RPAP3: variants seen among roughly 807,000 people sequenced by gnomAD.
RPAP3 encodes the protein RNA polymerase II-associated protein 3.
RPAP3 carries 58 observed loss-of-function variants against 88.8 expected under a neutral mutation model. That is an observed-to-expected ratio of 0.65 (90% confidence interval 0.53 to 0.81). The LOEUF (loss-of-function observed/expected upper bound fraction) is 0.81. Among genes scored for constraint, RPAP3 ranks in the 40% least tolerant of loss-of-function variants. The probability of loss-of-function intolerance (pLI) is 0.00; values close to 1 mark genes in which losing one functional copy is unlikely to be tolerated. For missense variants in RPAP3, 751 were observed against 764.3 expected, an observed-to-expected ratio of 0.98 and a Z score of 0.20; for synonymous variants, 255 against 259.9, an observed-to-expected ratio of 0.98 and a Z score of 0.18.
At chr12:47,697,567 G>GAA in intron 4 of RPAP3, 30 bp downstream of exon 4, 2 of 1,569,230 alleles carry the variant, frequency 1.3e-6, no homozygotes, top group Non-Finnish European at 1.7e-6. Flanking sequence ...CTGCTTACAT[G>GAA]AAAAAAAACA....
At chr12:47,673,526 TA>T (rs1255190857) in intron 12 of RPAP3, among the ~76,000 whole-genome samples, 3 of 151,236 alleles carry the variant, frequency 2.0e-5, no homozygotes, top group Admixed American at 6.6e-5. Flanking sequence ...ATCTATTTGC[TA>T]CTACTAACTA....
intron 3 of RPAP3, among the ~76,000 whole-genome samples, chr12:47,698,950 A>C (rs1939592082): frequency 6.6e-6 from 1 of 152,252 alleles, no homozygotes; most frequent in African/African-American, 2.4e-5. Flanking sequence ...TAGTTTCATT[A>C]AATGAACATT....
intron 3 of RPAP3, among the ~76,000 whole-genome samples, chr12:47,698,498 A>G (rs1939582626): frequency 6.6e-6 from 1 of 152,132 alleles, no homozygotes; most frequent in Admixed American, 6.5e-5. Flanking sequence ...TAAAACAATG[A>G]TTTTTAGTAA....
chr12:47,691,815 G>A (rs1939435143), intron 5 of RPAP3, among the ~76,000 whole-genome samples: 1 of 151,448 alleles, frequency 6.6e-6, no homozygotes, highest in Admixed American at 6.6e-5. Context: ...GGCACGATCT[G>A]GCTCACTGCA....
At chr12:47,702,633 C>G in intron 2 of RPAP3, 55 bp downstream of exon 2, 2 of 1,355,064 alleles carry the variant, frequency 1.5e-6, no homozygotes, top group Non-Finnish European at 2.0e-6. Context: ...AAAAGTTATG[C>G]TTTATTTTTA....
intron 16 of RPAP3, among the ~76,000 whole-genome samples, chr12:47,664,359 C>T (rs891193058): frequency 9.2e-5 from 14 of 152,130 alleles, no homozygotes; most frequent in Admixed American, 2.6e-4. Flanking sequence ...CACTGCACTC[C>T]AGCCTGGGCG....
At position 47,686,539 on chromosome 12, in the gene RPAP3, T is replaced by TAC. The variant is rs776844694; in HGVS notation, c.992+239_992+240dup. On this transcript the variant is annotated intron_variant, in intron 9 of 16. Transcript: ENST00000005386. ...TACCACAGGTACATAAACACACACA[T>TAC]ACACATACACACACACACACACACA... Among the ~76,000 whole-genome samples the TAC allele has an allele frequency of 5.5e-3, 405 of 73,512 alleles. 2 individuals carry two copies. Among genetic ancestry groups the TAC allele is most frequent in the African/African-American group, 0.016 (373 of 22,920 alleles). The allele number at this position is 73,512 out of a possible 152,430, so 48.2% of individuals were successfully genotyped here.
chr12:47,697,976 A>T (rs1939569473), intron 3 of RPAP3, among the ~76,000 whole-genome samples: 1 of 152,202 alleles, frequency 6.6e-6, no homozygotes, highest in African/African-American at 2.4e-5. Flanking sequence ...TGTACAAATC[A>T]CCCCTAAATC....
intron 12 of RPAP3, among the ~76,000 whole-genome samples, chr12:47,678,194 A>G (rs573329067): frequency 2.0e-4 from 31 of 152,350 alleles, no homozygotes; most frequent in African/African-American, 5.8e-4. Context: ...CTGGCTAGCC[A>G]TATGTAGAAA....
At chr12:47,701,202 C>A in intron 3 of RPAP3, 1 of 262,202 alleles carries the variant, frequency 3.8e-6, no homozygotes, top group Non-Finnish European at 7.1e-6. Context: ...AATAAGTAAA[C>A]AGTAATTTTT....
chr12:47,685,111 G>A (rs1939296187), intron 9 of RPAP3, among the ~76,000 whole-genome samples: 2 of 152,190 alleles, frequency 1.3e-5, no homozygotes, highest in South Asian at 2.1e-4. Flanking sequence ...GGGCGCGGTG[G>A]CTCCTGCCTG....
At position 47,696,466 on chromosome 12, in the gene RPAP3, T is replaced by C. The variant is rs2136640352; in HGVS notation, c.418-63A>G. 3.2e-6 allele frequency: 4 copies of C among 1,253,318 alleles called. No homozygotes were observed. In the East Asian group the frequency reaches 7.9e-5, roughly 25 times the overall value. The allele number at this position is 1,253,318 out of a possible 1,614,324, so 77.6% of individuals were successfully genotyped here. ...TTCTGAAATTCACTACAGTTGACCC[T>C]TGAACGACCCAGGTTTGAAGTGCAT... On this transcript the variant is annotated intron_variant, in intron 4 of 16. Coordinates refer to ENST00000005386, the MANE Select transcript of RPAP3 (RefSeq NM_024604.3).
intron 1 of RPAP3, among the ~76,000 whole-genome samples, chr12:47,704,711 G>A (rs1939742144): frequency 6.6e-6 from 1 of 151,372 alleles, no homozygotes; most frequent in Non-Finnish European, 1.5e-5. Context: ...TTTTTTTAAA[G>A]GGTGGAAGGC....
intron 10 of RPAP3, among the ~76,000 whole-genome samples, chr12:47,681,270 C>T (rs1383482000): frequency 6.6e-6 from 1 of 152,170 alleles, no homozygotes; most frequent in Non-Finnish European, 1.5e-5. Flanking sequence ...TGATTCCTGT[C>T]TCTTTAGGAG....
At position 47,669,909 on chromosome 12, in the gene RPAP3, TA is replaced by T. The variant is rs201082263; in HGVS notation, c.1526+197del. Among the ~76,000 whole-genome samples the T allele has an allele frequency of 7.1e-4, 106 of 149,088 alleles. No homozygotes were observed. In the East Asian group the frequency reaches 0.017, roughly 25 times the overall value. ...TTATCTTTAAATTTCACACTGTGGT[TA>T]AAAAAAAAATAGTAATCATTCTTTA... On this transcript the variant is annotated intron_variant, in intron 13 of 16. Transcript: ENST00000005386.
chr12:47,687,737 G>C, intron 8 of RPAP3, 139 bp downstream of exon 8: 2 of 915,610 alleles, frequency 2.2e-6, no homozygotes, highest in Non-Finnish European at 3.1e-6. Flanking sequence ...AGGTCCCAGA[G>C]GCTTTAGTGC....
chr12:47,664,008 G>A (rs12301106), intron 16 of RPAP3, among the ~76,000 whole-genome samples: 25,745 of 152,122 alleles, frequency 0.17, 2,778 homozygotes, highest in Admixed American at 0.32. Context: ...TACTGTAAAT[G>A]AAAAACAGCA....
intron 9 of RPAP3, among the ~76,000 whole-genome samples, chr12:47,684,030 C>T (rs1205036346): frequency 6.6e-6 from 1 of 152,148 alleles, no homozygotes; most frequent in Non-Finnish European, 1.5e-5. Flanking sequence ...ATGCTTTACT[C>T]CCTCTAAGAA....
intron 12 of RPAP3, among the ~76,000 whole-genome samples, chr12:47,674,388 G>A (rs571003190): frequency 8.5e-5 from 13 of 152,306 alleles, no homozygotes; most frequent in South Asian, 6.2e-4. Context: ...TAAGCTGGAC[G>A]GAGAATGACT....
Sources: allele counts gnomAD v4.1 joint callset (sites outside exome capture counted in the v4.1 genomes callset), GRCh38; gene constraint gnomAD v4.1.1; transcripts MANE v1.5; gene names NCBI Gene and HGNC (gene_info 2026-07-23, HGNC 2026-07-21).